The following CSMD1 variants were observed in gnomAD, a reference collection of about 807,000 sequenced individuals.
The protein encoded by CSMD1 is CUB and Sushi multiple domains 1.
Under a neutral mutation model 417.5 loss-of-function variants are expected in CSMD1, and 213 were observed. The observed-to-expected ratio is 0.51, with a 90% CI of 0.46 to 0.57. CSMD1 has a LOEUF of 0.57. Among genes scored for constraint, CSMD1 ranks in the 20% least tolerant of loss-of-function variants. CSMD1 has a pLI of 0.00. For missense variants in CSMD1, 6,923 were observed against 4,529.7 expected, an observed-to-expected ratio of 1.53 and a Z score of -15.17; for synonymous variants, 2,862 against 1,736.8, an observed-to-expected ratio of 1.65 and a Z score of -16.11.
intron 10 of CSMD1, among the ~76,000 whole-genome samples, chr8:3,515,825 A>C (rs1244672542): frequency 1.3e-5 from 2 of 152,228 alleles, no homozygotes; most frequent in Non-Finnish European, 2.9e-5. Context: ...GGAATTGCCT[A>C]TTATACATAC....
At chr8:4,477,131 T>C (rs1800844523) in intron 2 of CSMD1, among the ~76,000 whole-genome samples, 1 of 152,196 alleles carries the variant, frequency 6.6e-6, no homozygotes, top group Non-Finnish European at 1.5e-5. Flanking sequence ...AGAGTCACAG[T>C]TTATCCAGTG....
chr8:4,003,308 G>C (rs1046409378), intron 4 of CSMD1, among the ~76,000 whole-genome samples: 4 of 152,072 alleles, frequency 2.6e-5, no homozygotes, highest in Admixed American at 6.6e-5. Flanking sequence ...CAGGAGAATG[G>C]TGTGAACCTG....
intron 3 of CSMD1, among the ~76,000 whole-genome samples, chr8:4,414,360 C>G (rs900531036): frequency 6.6e-5 from 10 of 152,190 alleles, no homozygotes; most frequent in African/African-American, 9.6e-5. Flanking sequence ...CCCAGATTCA[C>G]TTTTCTCTGG....
intron 5 of CSMD1, among the ~76,000 whole-genome samples, chr8:3,971,239 A>G (rs114776825): frequency 4.9e-4 from 75 of 152,214 alleles, no homozygotes; most frequent in African/African-American, 1.8e-3. Context: ...GACCATGCGC[A>G]CTTCTGCCTG....
At chr8:4,876,855 C>T (rs750484515) in intron 1 of CSMD1, among the ~76,000 whole-genome samples, 1 of 152,006 alleles carries the variant, frequency 6.6e-6, no homozygotes, top group South Asian at 2.1e-4. Context: ...AAGATTTTCA[C>T]AACATTGTAG....
chr8:4,307,752 G>T (rs1442253643), intron 3 of CSMD1, among the ~76,000 whole-genome samples: 1 of 152,152 alleles, frequency 6.6e-6, no homozygotes, highest in Non-Finnish European at 1.5e-5. Flanking sequence ...GGCAACCAGA[G>T]AGTTTATCAA....
At chr8:4,162,607 C>T (rs529904053) in intron 3 of CSMD1, among the ~76,000 whole-genome samples, 43 of 152,008 alleles carry the variant, frequency 2.8e-4, no homozygotes, top group African/African-American at 1.0e-3. Context: ...AGCAGTTTTT[C>T]TAGGTTCACA....
chr8:3,464,267 C>T (rs1816678567), intron 12 of CSMD1, among the ~76,000 whole-genome samples: 1 of 151,974 alleles, frequency 6.6e-6, no homozygotes, highest in Non-Finnish European at 1.5e-5. Context: ...GACAGAGAAG[C>T]CATAAAAACG....
At chr8:3,702,736 G>T (rs1175128381) in intron 7 of CSMD1, among the ~76,000 whole-genome samples, 3 of 152,318 alleles carry the variant, frequency 2.0e-5, no homozygotes, top group Middle Eastern at 3.4e-3. Context: ...GGAGGCTGAG[G>T]CAGGAGAATC....
At chr8:3,553,924 TC>T (rs373764579) in intron 10 of CSMD1, among the ~76,000 whole-genome samples, 120 of 152,320 alleles carry the variant, frequency 7.9e-4, no homozygotes, top group African/African-American at 2.7e-3. Context: ...AAGGCAGACT[TC>T]TACGTAATGG....
chr8:3,445,180 T>C (rs1815221051), intron 12 of CSMD1, among the ~76,000 whole-genome samples: 2 of 152,236 alleles, frequency 1.3e-5, no homozygotes, highest in South Asian at 4.1e-4. Flanking sequence ...AGTACACTTT[T>C]AATAATTCTT....
At chr8:4,214,093 C>G (rs890002) in intron 3 of CSMD1, among the ~76,000 whole-genome samples, 152,142 of 152,326 alleles carry the variant, frequency 1, 75,979 homozygotes, top group Non-Finnish European at 1. Flanking sequence ...CAGCATCTTA[C>G]TCCCTCAATT....
chr8:3,758,083 C>A (rs1797766133), intron 5 of CSMD1, among the ~76,000 whole-genome samples: 1 of 152,072 alleles, frequency 6.6e-6, no homozygotes, highest in Non-Finnish European at 1.5e-5. Flanking sequence ...CCTGCCTCAG[C>A]CTCCTGAGTA....
intron 3 of CSMD1, among the ~76,000 whole-genome samples, chr8:4,167,348 G>T (rs1366300494): frequency 6.6e-6 from 1 of 152,050 alleles, no homozygotes; most frequent in African/African-American, 2.4e-5. Flanking sequence ...CTTTGTGAAG[G>T]GTGCCTGGTG....
chr8:3,278,101 A>G (rs1188614171), intron 26 of CSMD1, among the ~76,000 whole-genome samples: 1 of 152,182 alleles, frequency 6.6e-6, no homozygotes, highest in African/African-American at 2.4e-5. Flanking sequence ...AAATATATGA[A>G]TCAGCCAAAG....
At chr8:3,566,004 C>T (rs1051192693) in intron 10 of CSMD1, among the ~76,000 whole-genome samples, 1 of 152,160 alleles carries the variant, frequency 6.6e-6, no homozygotes, top group Admixed American at 6.5e-5. Context: ...ATTGACACCC[C>T]ATTTCCTTTG....
At chr8:4,874,540 C>A (rs1802928214) in intron 1 of CSMD1, among the ~76,000 whole-genome samples, 1 of 151,652 alleles carries the variant, frequency 6.6e-6, no homozygotes, top group Admixed American at 6.6e-5. Flanking sequence ...CGGGTGCCTG[C>A]CACCTCTCCC....
intron 2 of CSMD1, among the ~76,000 whole-genome samples, chr8:4,525,508 C>A (rs1397137587): frequency 6.6e-6 from 1 of 152,128 alleles, no homozygotes; most frequent in East Asian, 1.9e-4. Context: ...TAGCGCCATT[C>A]CTCTAGTAAA....
At chr8:3,437,324 T>A (rs141270777) in intron 12 of CSMD1, among the ~76,000 whole-genome samples, 2 of 152,228 alleles carry the variant, frequency 1.3e-5, no homozygotes, top group Non-Finnish European at 2.9e-5. Context: ...TCCATTATTA[T>A]TGGCCTCAAC....
Sources: allele counts gnomAD v4.1 joint callset (sites outside exome capture counted in the v4.1 genomes callset), GRCh38; gene constraint gnomAD v4.1.1; transcripts MANE v1.5; gene names NCBI Gene and HGNC (gene_info 2026-07-23, HGNC 2026-07-21).